BAZ2B: variants seen among roughly 807,000 people sequenced by gnomAD.
BAZ2B encodes the protein bromodomain adjacent to zinc finger domain 2B.
A neutral mutation model predicts 246.0 loss-of-function variants in BAZ2B; 91 were observed. The observed-to-expected ratio is 0.37, with a 90% CI of 0.31 to 0.44. The LOEUF (loss-of-function observed/expected upper bound fraction) is 0.44. BAZ2B is among the 20% of genes least tolerant of loss of function. The pLI is 1.00. For missense variants in BAZ2B, 2,332 were observed against 2,533.7 expected (o/e 0.92, Z 1.71); for synonymous variants, 855 against 860.0 (o/e 0.99, Z 0.10).
the BAZ2B span, among the ~76,000 whole-genome samples, chr2:159,669,464 ATCT>A: frequency 1.1e-4 from 16 of 152,132 alleles, no homozygotes; most frequent in Non-Finnish European, 1.9e-4. Context: ...ATCGGTTCAA[ATCT>A]TCTATGTCTT....
chr2:159,678,046 A>G, the BAZ2B span, among the ~76,000 whole-genome samples: 1 of 152,224 alleles, frequency 6.6e-6, no homozygotes, highest in Non-Finnish European at 1.5e-5. Context: ...ACCTAGTCTC[A>G]CGCTATTACA....
At chr2:159,399,302 A>G (rs1438991034) in intron 17 of BAZ2B, among the ~76,000 whole-genome samples, 1 of 152,146 alleles carries the variant, frequency 6.6e-6, no homozygotes, top group East Asian at 1.9e-4. Flanking sequence ...TTAATTAATA[A>G]ATAAAAATTA....
At chr2:159,399,015 T>C in intron 17 of BAZ2B, 121 bp from the exon 18 acceptor site, 1 of 754,576 alleles carries the variant, frequency 1.3e-6, no homozygotes, top group Non-Finnish European at 2.1e-6. Flanking sequence ...AACACATATG[T>C]AGACAATTAC....
chr2:159,514,128 A>G (rs575782249), intron 2 of BAZ2B, among the ~76,000 whole-genome samples: 3 of 152,190 alleles, frequency 2.0e-5, no homozygotes, highest in South Asian at 2.1e-4. Context: ...TCTTTACTTC[A>G]TAACATTTGT....
intron 2 of BAZ2B, among the ~76,000 whole-genome samples, chr2:159,510,985 A>G (rs2151183709): frequency 6.6e-6 from 1 of 152,328 alleles, no homozygotes; most frequent in Middle Eastern, 3.4e-3. Flanking sequence ...TGCTCAAATT[A>G]TCAAATCAAG....
chr2:159,346,445 C>T (rs1399543929), intron 31 of BAZ2B, among the ~76,000 whole-genome samples: 1 of 152,158 alleles, frequency 6.6e-6, no homozygotes, highest in African/African-American at 2.4e-5. Flanking sequence ...TGGCTCATGC[C>T]TGTAATCCCA....
chr2:159,463,016 C>T, intron 3 of BAZ2B: 2 of 755,306 alleles, frequency 2.6e-6, no homozygotes, highest in Non-Finnish European at 2.4e-6. Context: ...TACCCAGGTC[C>T]CCCATGCTCT....
the BAZ2B span, among the ~76,000 whole-genome samples, chr2:159,625,571 C>T: frequency 1.1e-4 from 16 of 152,228 alleles, no homozygotes; most frequent in African/African-American, 3.9e-4. Context: ...CATATATAGC[C>T]AAACTAAGCT....
intron 20 of BAZ2B, among the ~76,000 whole-genome samples, chr2:159,389,825 A>G (rs2063113035): frequency 6.6e-6 from 1 of 152,194 alleles, no homozygotes; most frequent in East Asian, 1.9e-4. Flanking sequence ...GATTTACAGC[A>G]GGAAAGTGGA....
downstream of BAZ2B, among the ~76,000 whole-genome samples, chr2:159,316,334 T>G (rs1052008674): frequency 2.0e-5 from 3 of 152,120 alleles, no homozygotes; most frequent in Non-Finnish European, 4.4e-5. Flanking sequence ...TGAAGCAAGA[T>G]TCCCAGCAGA....
At chr2:159,499,307 C>T (rs749470255) in intron 2 of BAZ2B, among the ~76,000 whole-genome samples, 8 of 152,140 alleles carry the variant, frequency 5.3e-5, no homozygotes, top group South Asian at 4.1e-4. Context: ...TTAGAATGCT[C>T]GGGATAATGG....
At chr2:159,355,250 T>C (rs2058976091) in intron 27 of BAZ2B, among the ~76,000 whole-genome samples, 1 of 152,302 alleles carries the variant, frequency 6.6e-6, no homozygotes, top group South Asian at 2.1e-4. Flanking sequence ...CCACTCAGTA[T>C]GGCTAAACCT....
chr2:159,363,360 A>G (rs2059911524), intron 27 of BAZ2B, among the ~76,000 whole-genome samples: 1 of 152,216 alleles, frequency 6.6e-6, no homozygotes, highest in African/African-American at 2.4e-5. Context: ...AAGAAAATCC[A>G]GGGTTTGAGT....
intron 2 of BAZ2B, among the ~76,000 whole-genome samples, chr2:159,487,840 G>A (rs1428439699): frequency 6.6e-6 from 1 of 151,386 alleles, no homozygotes; most frequent in Non-Finnish European, 1.5e-5. Context: ...CTGGGATTAT[G>A]TTAAATGACC....
In BAZ2B at chr2:159,354,541, A is replaced by G. The variant is rs548317087; in HGVS notation, c.4214-4184T>C. On this transcript the variant is annotated intron_variant, in intron 27 of 36. Coordinates refer to ENST00000392783, the MANE Select transcript of BAZ2B (RefSeq NM_013450.4). Reference sequence around the variant, plus strand: ...AATTTCTGTATTTTCAGTAGAGATGAGGTTTTACCATGGTGGTCAGGCTGG... The same window carrying G: ...AATTTCTGTATTTTCAGTAGAGATGGGGTTTTACCATGGTGGTCAGGCTGG... 1.4e-3 allele frequency among the ~76,000 whole-genome samples: 215 copies of G among 152,094 alleles called. 1 individual carries two copies. Among genetic ancestry groups the G allele is most frequent in the African/African-American group, 4.7e-3 (194 of 41,506 alleles).
In BAZ2B at chr2:159,395,847, A is replaced by G. The variant is rs371006861; in HGVS notation, c.3010-13T>C. On this transcript the variant is annotated splice_polypyrimidine_tract_variant and intron_variant, in intron 19 of 36. Coordinates refer to ENST00000392783, the MANE Select transcript of BAZ2B (RefSeq NM_013450.4). ...TTCGCTCTCGTTCCTATTAGGCCAG[A>G]TAAAATGTGGAAAATAACTCAGCCA... 1.3e-6 allele frequency: 2 copies of G among 1,596,326 alleles called. No individual in the cohort carries two copies. The highest frequency in any genetic ancestry group is 8.5e-7 in the Non-Finnish European group (1 of 1,172,272).
the BAZ2B span, among the ~76,000 whole-genome samples, chr2:159,682,909 TCC>T: frequency 7.6e-6 from 1 of 131,704 alleles, no homozygotes; most frequent in Non-Finnish European, 1.6e-5. Context: ...CTGCCACCCC[TCC>T]CCCCCCCCAC....
At chr2:159,394,452 A>T (rs2063740262) in intron 20 of BAZ2B, among the ~76,000 whole-genome samples, 1 of 152,296 alleles carries the variant, frequency 6.6e-6, no homozygotes, top group East Asian at 1.9e-4. Flanking sequence ...TATGTTAGGT[A>T]TAGAGGGTGT....
At chr2:159,386,651 T>C in intron 21 of BAZ2B, 44 bp from the exon 22 acceptor site, 1 of 1,507,784 alleles carries the variant, frequency 6.6e-7, no homozygotes, top group East Asian at 2.4e-5. Flanking sequence ...ACAGCTTAAT[T>C]TTTTAAAAGC....
Sources: allele counts gnomAD v4.1 joint callset (sites outside exome capture counted in the v4.1 genomes callset), GRCh38; gene constraint gnomAD v4.1.1; transcripts MANE v1.5; gene names NCBI Gene and HGNC (gene_info 2026-07-23, HGNC 2026-07-21).